Variants in RNF150 observed in about 807,000 individuals in gnomAD.
RNF150 encodes the protein ring finger protein 150.
Under a neutral mutation model 39.3 loss-of-function variants are expected in RNF150, and 24 were observed. The ratio of observed to expected loss-of-function variants is 0.61; its 90% CI spans 0.44 to 0.86. RNF150 has a LOEUF of 0.86. Ranked by LOEUF, RNF150 falls within the 40% of genes least tolerant of loss-of-function variation. RNF150 has a pLI of 0.00. For missense variants in RNF150, 502 were observed against 587.8 expected, an observed-to-expected ratio of 0.85 and a Z score of 1.51; for synonymous variants, 255 against 227.3, an observed-to-expected ratio of 1.12 and a Z score of -1.10.
At chr4:140,937,262 C>CT (rs1359383091) in intron 4 of RNF150, among the ~76,000 whole-genome samples, 3 of 152,002 alleles carry the variant, frequency 2.0e-5, no homozygotes, top group South Asian at 2.1e-4. Flanking sequence ...TAAATAATTT[C>CT]TTTTTTTTGT....
At chr4:140,909,022 A>ACAT (rs1730493970) in intron 6 of RNF150, among the ~76,000 whole-genome samples, 3 of 152,238 alleles carry the variant, frequency 2.0e-5, no homozygotes, top group African/African-American at 4.8e-5. Context: ...AAATTTTATC[A>ACAT]CATCTTCCAA....
chr4:141,205,060 C>T (rs1257332994), intron 1 of RNF150, among the ~76,000 whole-genome samples: 1 of 152,110 alleles, frequency 6.6e-6, no homozygotes, highest in Non-Finnish European at 1.5e-5. Flanking sequence ...TATTGACACG[C>T]TTTTTAAGGT....
chr4:141,184,062 A>C (rs2111192144), intron 1 of RNF150, among the ~76,000 whole-genome samples: 1 of 152,308 alleles, frequency 6.6e-6, no homozygotes, highest in South Asian at 2.1e-4. Flanking sequence ...TTCTGATTCT[A>C]GGTCCTTAAG....
intron 1 of RNF150, among the ~76,000 whole-genome samples, chr4:141,115,174 T>G (rs1366431984): frequency 2.6e-5 from 4 of 152,176 alleles, no homozygotes; most frequent in Non-Finnish European, 2.9e-5. Flanking sequence ...ATAAAGTGTA[T>G]TCAAACAGGA....
chr4:141,106,998 C>T (rs1270085097), intron 1 of RNF150, among the ~76,000 whole-genome samples: 1 of 152,046 alleles, frequency 6.6e-6, no homozygotes, highest in Non-Finnish European at 1.5e-5. Context: ...TCTATTCTTT[C>T]ACTTGAAAAA....
intron 4 of RNF150, among the ~76,000 whole-genome samples, chr4:140,946,102 C>A (rs1560980846): frequency 6.6e-6 from 1 of 152,172 alleles, no homozygotes; most frequent in South Asian, 2.1e-4. Context: ...CTTCAGTTAT[C>A]TCTATTTATG....
intron 1 of RNF150, among the ~76,000 whole-genome samples, chr4:141,211,444 A>G (rs1407872215): frequency 1.3e-5 from 2 of 152,156 alleles, no homozygotes; most frequent in Non-Finnish European, 2.9e-5. Flanking sequence ...GATAGTAGAT[A>G]TTTTTCATGA....
chr4:141,212,601 TCTAA>T (rs991786438), intron 1 of RNF150, among the ~76,000 whole-genome samples: 3 of 152,204 alleles, frequency 2.0e-5, no homozygotes, highest in African/African-American at 7.2e-5. Flanking sequence ...AAGATTTTTT[TCTAA>T]CTTTGTTTCT....
chr4:141,018,494 C>T (rs1735364384), intron 1 of RNF150, among the ~76,000 whole-genome samples: 1 of 152,142 alleles, frequency 6.6e-6, no homozygotes. Flanking sequence ...AGCCATTCAG[C>T]ATGGATGGTT....
chr4:140,960,351 A>C (rs1345723975), intron 2 of RNF150, among the ~76,000 whole-genome samples: 2 of 152,178 alleles, frequency 1.3e-5, no homozygotes, highest in Non-Finnish European at 2.9e-5. Context: ...TCCAGCTCCC[A>C]GCTAGAACTC....
chr4:141,017,713 C>T (rs116448863), intron 1 of RNF150, among the ~76,000 whole-genome samples: 4,003 of 152,228 alleles, frequency 0.026, 77 homozygotes, highest in Middle Eastern at 0.044. Flanking sequence ...CATAGTTTGC[C>T]TTTTCTAGAA....
intron 1 of RNF150, among the ~76,000 whole-genome samples, chr4:141,026,089 C>A (rs1735685193): frequency 6.6e-6 from 1 of 152,138 alleles, no homozygotes; most frequent in Admixed American, 6.5e-5. Context: ...TGTCTGACGT[C>A]TTGATCTTAG....
intron 1 of RNF150, among the ~76,000 whole-genome samples, chr4:141,008,989 C>A (rs73858464): frequency 6.6e-6 from 1 of 151,920 alleles, no homozygotes; most frequent in Admixed American, 6.6e-5. Flanking sequence ...TTTATTATGT[C>A]AACATTTCAA....
At chr4:140,885,084 T>A (rs1172502243) in intron 6 of RNF150, among the ~76,000 whole-genome samples, 1 of 152,158 alleles carries the variant, frequency 6.6e-6, no homozygotes. Context: ...CTTTCTATTA[T>A]GCCATCTTCC....
At chr4:141,087,678 G>A (rs894006487) in intron 1 of RNF150, among the ~76,000 whole-genome samples, 1 of 152,030 alleles carries the variant, frequency 6.6e-6, no homozygotes, top group Admixed American at 6.6e-5. Flanking sequence ...AAATCACAAT[G>A]CGCTATTTTT....
intron 5 of RNF150, among the ~76,000 whole-genome samples, chr4:140,924,738 T>C (rs1322056514): frequency 1.3e-5 from 2 of 152,238 alleles, no homozygotes; most frequent in Non-Finnish European, 2.9e-5. Flanking sequence ...TCATCATGAA[T>C]GCATTATGCA....
chr4:141,029,406 C>T (rs1045472891), intron 1 of RNF150, among the ~76,000 whole-genome samples: 1 of 152,144 alleles, frequency 6.6e-6, no homozygotes, highest in South Asian at 2.1e-4. Flanking sequence ...GTCCAACAGT[C>T]GTTCTGTATG....
intron 1 of RNF150, among the ~76,000 whole-genome samples, chr4:141,172,512 A>G (rs550859961): frequency 5.3e-4 from 69 of 131,394 alleles, no homozygotes; most frequent in African/African-American, 1.0e-3. Context: ...TAAATGATTT[A>G]AAATATTTTT....
intron 5 of RNF150, among the ~76,000 whole-genome samples, chr4:140,920,460 A>C (rs1731069338): frequency 7.6e-6 from 1 of 131,812 alleles, no homozygotes; most frequent in Admixed American, 8.1e-5. Flanking sequence ...TGGCCATCAG[A>C]GAAATGCAAA....
Sources: allele counts gnomAD v4.1 joint callset (sites outside exome capture counted in the v4.1 genomes callset), GRCh38; gene constraint gnomAD v4.1.1; transcripts MANE v1.5; gene names NCBI Gene and HGNC (gene_info 2026-07-23, HGNC 2026-07-21).